Variants in AGPAT4 observed in about 807,000 individuals in gnomAD.
AGPAT4 encodes the protein 1-acylglycerol-3-phosphate O-acyltransferase 4.
A neutral mutation model predicts 48.0 loss-of-function variants in AGPAT4; 15 were observed. The observed-to-expected ratio is 0.31, with a 90% CI of 0.21 to 0.48. The LOEUF (loss-of-function observed/expected upper bound fraction) is 0.48. Ranked by LOEUF, AGPAT4 falls within the 20% of genes least tolerant of loss-of-function variation. AGPAT4 has a pLI of 0.99. For synonymous variants in AGPAT4, 178 were observed against 198.7 expected, an observed-to-expected ratio of 0.90 and a Z score of 0.88; for missense variants, 314 against 482.5, an observed-to-expected ratio of 0.65 and a Z score of 3.27.
rs1286268440 is a variant in AGPAT4, at chr6:161,197,160, A to C, written c.179-30743T>G. 6.6e-6 allele frequency among the ~76,000 whole-genome samples: 1 copy of C among 152,172 alleles called. No individual in the cohort carries two copies. Among genetic ancestry groups the C allele is most frequent in the African/African-American group, 2.4e-5 (1 of 41,436 alleles). On this transcript the variant is annotated intron_variant, in intron 2 of 8. Coordinates refer to ENST00000320285, the MANE Select transcript of AGPAT4 (RefSeq NM_020133.3). This position sits in a 1 kb window ranked among gnomAD's most constrained non-coding sequence, Gnocchi z 5.7. ...TAATGAGTATTTTAGGAGATGGGCC[A>C]TTTGGAAAAAAATGAGATAAACCAA...
At chr6:161,271,494 G>C (rs1390729966) in intron 1 of AGPAT4, among the ~76,000 whole-genome samples, 3 of 152,190 alleles carry the variant, frequency 2.0e-5, no homozygotes, top group Non-Finnish European at 4.4e-5. Context: ...GCAGAGCCTT[G>C]CAGACAGTAA....
At position 161,266,564 on chromosome 6, in the gene AGPAT4, T is replaced by C. The variant is rs943525081; in HGVS notation, c.-90+7374A>G. On this transcript the variant is annotated intron_variant, in intron 1 of 8. Coordinates refer to ENST00000320285, the MANE Select transcript of AGPAT4 (RefSeq NM_020133.3). The surrounding 1 kb of genome is among the most constrained non-coding windows in gnomAD (Gnocchi z 6.2). ...GAAAGCAGAGGCTGGAGGCAGATGC[T>C]AGAAATGGACTCACAGGCATAGAAA... Among the ~76,000 whole-genome samples the C allele has an allele frequency of 1.3e-5, 2 of 152,072 alleles. No homozygotes were observed. Among genetic ancestry groups the C allele is most frequent in the Non-Finnish European group, 2.9e-5 (2 of 68,022 alleles).
chr6:161,168,491 C>G (rs1780171972), intron 2 of AGPAT4, among the ~76,000 whole-genome samples: 1 of 152,082 alleles, frequency 6.6e-6, no homozygotes, highest in Non-Finnish European at 1.5e-5. Context: ...CAGCTGTGAC[C>G]ACAGCGTGAG....
rs1424208623 is a variant in AGPAT4, at chr6:161,178,581, G to A, written c.179-12164C>T. On this transcript the variant is annotated intron_variant, in intron 2 of 8. Coordinates refer to ENST00000320285, the MANE Select transcript of AGPAT4 (RefSeq NM_020133.3). This position sits in a 1 kb window ranked among gnomAD's most constrained non-coding sequence, Gnocchi z 5.1. ...AATTCCCGGACCCCTGCACTTCCCG[G>A]GTGAGGCGATGCCCCACCCTGCTTC... 1.3e-5 allele frequency among the ~76,000 whole-genome samples: 2 copies of A among 152,130 alleles called. No homozygotes were observed. The highest frequency in any genetic ancestry group is 2.9e-5 in the Non-Finnish European group (2 of 68,024).
intron 2 of AGPAT4, among the ~76,000 whole-genome samples, chr6:161,207,953 G>A (rs977528143): frequency 2.6e-5 from 4 of 152,094 alleles, no homozygotes; most frequent in Non-Finnish European, 4.4e-5. Flanking sequence ...TTAGCAAGAC[G>A]GATGCAGATC....
At chr6:161,252,519 T>C (rs1243027347) in intron 1 of AGPAT4, among the ~76,000 whole-genome samples, 1 of 152,230 alleles carries the variant, frequency 6.6e-6, no homozygotes, top group Non-Finnish European at 1.5e-5. Flanking sequence ...TTGCTTCTTC[T>C]AGAATTCTTT....
At chr6:161,152,363 C>T (rs904965566) in intron 5 of AGPAT4, among the ~76,000 whole-genome samples, 5 of 151,886 alleles carry the variant, frequency 3.3e-5, no homozygotes, top group African/African-American at 1.2e-4. Flanking sequence ...GCGGGGCTGG[C>T]GCTGGCCCGG....
At position 161,139,245 on chromosome 6, in the gene AGPAT4, TG is replaced by T. The variant is rs1251855884; in HGVS notation, c.1042+176del. ...CAGGCTGCGGAGGGGGTCCCAGGCC[TG>T]GTATTCGAGGGCCTCGCACTCATCC... On this transcript the variant is annotated intron_variant, in intron 8 of 8. Transcript: ENST00000320285. The surrounding 1 kb of genome is among the most constrained non-coding windows in gnomAD (Gnocchi z 9.1). Among the ~76,000 whole-genome samples, 3 of 152,182 alleles carry T rather than the reference TG, an allele frequency of 2.0e-5. No individual in the cohort carries two copies. The highest frequency in any genetic ancestry group is 2.9e-5 in the Non-Finnish European group (2 of 68,024).
intron 2 of AGPAT4, among the ~76,000 whole-genome samples, chr6:161,227,689 G>C (rs1455071865): frequency 1.3e-5 from 2 of 152,186 alleles, no homozygotes; most frequent in Non-Finnish European, 2.9e-5. Flanking sequence ...TTCTCGAGTA[G>C]CAAATCTGAA....
intron 2 of AGPAT4, among the ~76,000 whole-genome samples, chr6:161,185,140 T>C (rs1780730491): frequency 1.0e-5 from 1 of 99,142 alleles, no homozygotes; most frequent in African/African-American, 4.0e-5. Flanking sequence ...ACTCCAAATG[T>C]TTAAAAAAAA....
chr6:161,204,444 C>T lies in AGPAT4; in HGVS notation c.178+27592G>A, dbSNP rs1317333916. On this transcript the variant is annotated intron_variant, in intron 2 of 8. Coordinates refer to ENST00000320285, the MANE Select transcript of AGPAT4 (RefSeq NM_020133.3). This position sits in a 1 kb window ranked among gnomAD's most constrained non-coding sequence, Gnocchi z 4.4. ...AATACTTACATAACCAATTTTATCACCAGTTCCAACCTTAAAGGTAAATAC... is the reference window on the plus strand; with the variant it reads ...AATACTTACATAACCAATTTTATCATCAGTTCCAACCTTAAAGGTAAATAC... Among the ~76,000 whole-genome samples the T allele has an allele frequency of 6.6e-6, 1 of 152,118 alleles. No individual in the cohort carries two copies. Among genetic ancestry groups the T allele is most frequent in the Admixed American group, 6.6e-5 (1 of 15,266 alleles).
At chr6:161,172,156 G>C (rs3798922) in intron 2 of AGPAT4, among the ~76,000 whole-genome samples, 9,431 of 152,274 alleles carry the variant, frequency 0.062, 318 homozygotes, top group Middle Eastern at 0.12. Context: ...GAAGAGGAAA[G>C]AGGGAAGGAC....
rs780342731 is a variant in AGPAT4 at position 161,264,981 on chromosome 6, G to A, written c.-90+8957C>T. ...AGGTGGCCCCTCCTGTAAGTGAGAA[G>A]CACCAGGGACGGAAAGGGAAAGAAA... On this transcript the variant is annotated intron_variant, in intron 1 of 8. Coordinates refer to ENST00000320285, the MANE Select transcript of AGPAT4 (RefSeq NM_020133.3). This position sits in a 1 kb window ranked among gnomAD's most constrained non-coding sequence, Gnocchi z 6.8. 2.0e-5 allele frequency among the ~76,000 whole-genome samples: 3 copies of A among 152,146 alleles called. No homozygotes were observed. Among genetic ancestry groups the A allele is most frequent in the Admixed American group, 6.5e-5 (1 of 15,276 alleles).
rs770101792 is a variant in AGPAT4 at position 161,259,044 on chromosome 6, C to T, written c.-90+14894G>A. Among the ~76,000 whole-genome samples the T allele has an allele frequency of 3.3e-5, 5 of 151,876 alleles. No homozygotes were observed. The highest frequency in any genetic ancestry group is 7.3e-5 in the African/African-American group (3 of 41,346). ...AACTCCTGACCTCAAGTGATCCTCC[C>T]GCCTCAGCCTCCCAAAGTGCTGGGA... On this transcript the variant is annotated intron_variant, in intron 1 of 8. Coordinates refer to ENST00000320285, the MANE Select transcript of AGPAT4 (RefSeq NM_020133.3). This position sits in a 1 kb window ranked among gnomAD's most constrained non-coding sequence, Gnocchi z 4.9.
intron 2 of AGPAT4, among the ~76,000 whole-genome samples, chr6:161,194,144 C>CA (rs375616581): frequency 6.6e-6 from 1 of 151,878 alleles, no homozygotes. Context: ...AGATTTCCAA[C>CA]AAAAAAAGAA....
At chr6:161,150,318 G>A (rs1779552511) in intron 5 of AGPAT4, among the ~76,000 whole-genome samples, 1 of 152,202 alleles carries the variant, frequency 6.6e-6, no homozygotes, top group African/African-American at 2.4e-5. Flanking sequence ...GGCAGCTGGG[G>A]CTAGGTCTTC....
rs977218368 is a variant in AGPAT4 at position 161,149,529 on chromosome 6, T to C, written c.665-240A>G. ...AAACAGGGTCATTGCTGAAGTCAGA[T>C]CATTTTTTTCTTTTCTTTCTTTTCT... is the stretch of plus-strand genomic sequence containing the variant. On this transcript the variant is annotated intron_variant, in intron 5 of 8. Transcript: ENST00000320285. The surrounding 1 kb of genome is among the most constrained non-coding windows in gnomAD (Gnocchi z 6.5). 2.6e-5 allele frequency among the ~76,000 whole-genome samples: 4 copies of C among 152,112 alleles called. No individual in the cohort carries two copies. The highest frequency in any genetic ancestry group is 9.7e-5 in the African/African-American group (4 of 41,434).
chr6:161,183,831 C>T (rs1360079024), intron 2 of AGPAT4, among the ~76,000 whole-genome samples: 1 of 151,356 alleles, frequency 6.6e-6, no homozygotes, highest in Non-Finnish European at 1.5e-5. Flanking sequence ...AGAGGGGAGC[C>T]AGCCTCGTGG....
chr6:161,248,366 A>AT (rs1782718671), intron 1 of AGPAT4, among the ~76,000 whole-genome samples: 1 of 152,108 alleles, frequency 6.6e-6, no homozygotes, highest in South Asian at 2.1e-4. Flanking sequence ...TGAGGTCAGG[A>AT]GATCGAGACC....
Sources: allele counts gnomAD v4.1 joint callset (sites outside exome capture counted in the v4.1 genomes callset), GRCh38; gene constraint gnomAD v4.1.1; non-coding constraint Gnocchi (gnomAD v3.1); transcripts MANE v1.5; gene names NCBI Gene and HGNC (gene_info 2026-07-23, HGNC 2026-07-21).